NUDC: variants seen among roughly 807,000 people sequenced by gnomAD.
NUDC encodes nuclear distribution C, dynein complex regulator.
NUDC carries 14 observed loss-of-function variants against 45.0 expected under a neutral mutation model. That is an observed-to-expected ratio of 0.31 (90% CI 0.21 to 0.49). The LOEUF is 0.49. Ranked by LOEUF, NUDC falls within the 20% of genes least tolerant of loss-of-function variation. The pLI, the probability that NUDC is intolerant of heterozygous loss-of-function variation, is 0.99. For missense variants in NUDC, 323 were observed against 426.2 expected (o/e 0.76, Z 2.13); for synonymous variants, 153 against 156.7 (o/e 0.98, Z 0.17).
chr1:26,909,768 G>A (rs1469163705), intron 2 of NUDC, among the ~76,000 whole-genome samples: 1 of 152,092 alleles, frequency 6.6e-6, no homozygotes, highest in Non-Finnish European at 1.5e-5. Context: ...GATGGGGAGG[G>A]CAGGTCAGAG....
chr1:26,937,706 G>A (rs1043391971), intron 2 of NUDC, among the ~76,000 whole-genome samples: 2 of 151,992 alleles, frequency 1.3e-5, no homozygotes, highest in African/African-American at 4.8e-5. Flanking sequence ...AGGCTGGGGT[G>A]CAGTGATGTG....
At chr1:26,923,219 G>A (rs1054039640) in intron 1 of NUDC, among the ~76,000 whole-genome samples, 9 of 152,150 alleles carry the variant, frequency 5.9e-5, no homozygotes, top group African/African-American at 2.2e-4. Flanking sequence ...TGGGTCTCTT[G>A]CTCTGTGCCA....
chr1:26,900,521 A>T, intron 1 of NUDC: 1 of 1,215,290 alleles, frequency 8.2e-7, no homozygotes, highest in Non-Finnish European at 1.2e-6. Flanking sequence ...GCGTTGCGAG[A>T]TTGTGAAAAT....
intron 2 of NUDC, among the ~76,000 whole-genome samples, chr1:26,937,847 C>G (rs2082247343): frequency 6.6e-6 from 1 of 151,982 alleles, no homozygotes; most frequent in South Asian, 2.1e-4. Flanking sequence ...CAGGGTCTTC[C>G]TATGTTGCCC....
intron 1 of NUDC, chr1:26,922,295 C>T: frequency 2.8e-6 from 1 of 352,308 alleles, no homozygotes; most frequent in Non-Finnish European, 5.4e-6. Flanking sequence ...TGGGGCGAGC[C>T]GTCGAATGTG....
At chr1:26,900,256 T>C in exon 1 of NUDC, 1 of 1,613,964 alleles carries the variant, frequency 6.2e-7, no homozygotes, top group Non-Finnish European at 8.5e-7. Context: ...AGGGCAGAGT[T>C]AGGAGCGGCC....
chr1:26,941,376 A>G, intron 2 of NUDC, 81 bp from the exon 3 acceptor site: 1 of 1,443,672 alleles, frequency 6.9e-7, no homozygotes, highest in South Asian at 1.2e-5. Context: ...TGCACCCAGC[A>G]GGTAGAGAGT....
intron 1 of NUDC, among the ~76,000 whole-genome samples, chr1:26,922,933 G>C (rs1288855156): frequency 1.3e-5 from 2 of 152,150 alleles, no homozygotes; most frequent in African/African-American, 4.8e-5. Flanking sequence ...ATTTGGGAGC[G>C]AGTTCATTTT....
chr1:26,917,724 A>G (rs2082068503), upstream of NUDC, among the ~76,000 whole-genome samples: 1 of 152,028 alleles, frequency 6.6e-6, no homozygotes, highest in African/African-American at 2.4e-5. Context: ...TGTCTCTACT[A>G]AAAATACAAA....
At chr1:26,926,226 A>C (rs2082131753) in intron 2 of NUDC, among the ~76,000 whole-genome samples, 1 of 152,166 alleles carries the variant, frequency 6.6e-6, no homozygotes, top group Admixed American at 6.6e-5. Context: ...AATAAGAAGG[A>C]GACGTAGACG....
At position 26,930,370 on chromosome 1, in the gene NUDC, A is replaced by G. The variant is rs568096178; in HGVS notation, c.159+6204A>G. Reference sequence around the variant, plus strand: ...TTTTTTGTAGAGTGGGGGTTTCACCATCTTGCCCAAGCAGGTCTTGAATTT... The same window carrying G: ...TTTTTTGTAGAGTGGGGGTTTCACCGTCTTGCCCAAGCAGGTCTTGAATTT... On this transcript the variant is annotated intron_variant, in intron 2 of 8. Transcript: ENST00000321265. Among the ~76,000 whole-genome samples, 46 of 152,294 alleles carry G rather than the reference A, an allele frequency of 3.0e-4. No individual in the cohort carries two copies. In the South Asian group the frequency reaches 8.7e-3, roughly 29 times the overall value.
At chr1:26,909,270 C>T (rs1377454168) in intron 2 of NUDC, among the ~76,000 whole-genome samples, 1 of 152,062 alleles carries the variant, frequency 6.6e-6, no homozygotes, top group Non-Finnish European at 1.5e-5. Context: ...CCACTGAGCC[C>T]GGCCCCTAGC....
chr1:26,913,802 C>A (rs200354158), intron 3 of NUDC: 1 of 1,527,258 alleles, frequency 6.5e-7, no homozygotes, highest in African/African-American at 1.4e-5. Flanking sequence ...CATAGCTGGA[C>A]GGGCCGGTGC....
chr1:26,902,643 G>A (rs968008391), intron 2 of NUDC, among the ~76,000 whole-genome samples: 3 of 152,122 alleles, frequency 2.0e-5, no homozygotes, highest in African/African-American at 4.8e-5. Context: ...TTAGCACGTC[G>A]GGAGGTTGAG....
At chr1:26,913,102 T>C (rs1281598532) in intron 3 of NUDC, among the ~76,000 whole-genome samples, 2 of 152,236 alleles carry the variant, frequency 1.3e-5, no homozygotes, top group East Asian at 3.9e-4. Context: ...TTGATCAACA[T>C]GGTGAAAGCC....
intron 1 of NUDC, among the ~76,000 whole-genome samples, chr1:26,923,417 C>T (rs1191058700): frequency 6.6e-6 from 1 of 152,186 alleles, no homozygotes; most frequent in Admixed American, 6.5e-5. Flanking sequence ...CCATCTTATC[C>T]TCCTTTGAAG....
At chr1:26,930,234 G>A (rs1209591182) in intron 2 of NUDC, among the ~76,000 whole-genome samples, 2 of 152,146 alleles carry the variant, frequency 1.3e-5, no homozygotes, top group Non-Finnish European at 2.9e-5. Context: ...CCAGTAGTGC[G>A]ATCATGATTC....
intron 6 of NUDC, among the ~76,000 whole-genome samples, chr1:26,943,629 A>C (rs1350610313): frequency 6.6e-6 from 1 of 152,302 alleles, no homozygotes; most frequent in South Asian, 2.1e-4. Context: ...CAATTCATCA[A>C]ATACTTGAAC....
At chr1:26,921,646 C>T (rs1439373683), upstream of NUDC, 8 of 605,094 alleles carry the variant, frequency 1.3e-5, no homozygotes, top group East Asian at 1.7e-4. Flanking sequence ...GGGTTGCTTG[C>T]CGCACGGTCA....
Sources: gnomAD v4.1 joint callset for allele counts (sites outside exome capture counted in the v4.1 genomes callset) on GRCh38, gnomAD v4.1.1 for gene constraint, MANE v1.5 for transcripts, NCBI Gene and HGNC (gene_info 2026-07-23, HGNC 2026-07-21) for gene names.